The following ASTN2 variants were observed in gnomAD, a reference collection of about 807,000 sequenced individuals.
The protein encoded by ASTN2 is astrotactin-2.
A neutral mutation model predicts 139.8 loss-of-function variants in ASTN2; 54 were observed. That is an observed-to-expected ratio of 0.39 (90% CI 0.31 to 0.48). ASTN2 has a LOEUF of 0.48. ASTN2 is among the 20% of genes least tolerant of loss of function. ASTN2 has a pLI of 0.95. For missense variants in ASTN2, 1,565 were observed against 1,725.1 expected (o/e 0.91, Z 1.64); for synonymous variants, 756 against 719.5 (o/e 1.05, Z -0.81).
chr9:117,315,390 C>T (rs1828112885), intron 1 of ASTN2, among the ~76,000 whole-genome samples: 1 of 152,198 alleles, frequency 6.6e-6, no homozygotes, highest in African/African-American at 2.4e-5. Context: ...TGAAGGTGCA[C>T]TGCTTTGCCA....
intron 17 of ASTN2, among the ~76,000 whole-genome samples, chr9:116,639,885 G>A (rs803924): frequency 0.58 from 88,089 of 151,956 alleles, 26,022 homozygotes; most frequent in East Asian, 0.86. Flanking sequence ...AAGAGTGTCA[G>A]TGCAAGCTGG....
chr9:116,622,906 C>T (rs112021514), intron 17 of ASTN2, among the ~76,000 whole-genome samples: 150 of 152,344 alleles, frequency 9.8e-4, no homozygotes, highest in African/African-American at 3.4e-3. Flanking sequence ...CTCATGAGGA[C>T]AGAAACCAGA....
chr9:117,118,018 A>G (rs1357049444), intron 4 of ASTN2, among the ~76,000 whole-genome samples: 5 of 152,054 alleles, frequency 3.3e-5, no homozygotes, highest in African/African-American at 1.2e-4. Flanking sequence ...CACAAACCCA[A>G]CGAGGAAAAA....
intron 10 of ASTN2, among the ~76,000 whole-genome samples, chr9:116,867,644 A>T (rs988672558): frequency 3.9e-5 from 6 of 152,032 alleles, no homozygotes; most frequent in African/African-American, 1.4e-4. Flanking sequence ...GAAGTGAAAA[A>T]CAAGCAAAAA....
At chr9:116,591,268 C>G (rs553653448) in intron 19 of ASTN2, among the ~76,000 whole-genome samples, 2 of 152,284 alleles carry the variant, frequency 1.3e-5, no homozygotes, top group East Asian at 3.9e-4. Context: ...GCCATGGAAG[C>G]TGCTTGTGGT....
chr9:116,638,048 C>T (rs1253570124), intron 17 of ASTN2, among the ~76,000 whole-genome samples: 1 of 152,142 alleles, frequency 6.6e-6, no homozygotes, highest in Non-Finnish European at 1.5e-5. Flanking sequence ...GAAGCTCTTG[C>T]AGGATATAGG....
At chr9:117,156,124 C>T (rs954297489) in intron 3 of ASTN2, among the ~76,000 whole-genome samples, 21 of 151,982 alleles carry the variant, frequency 1.4e-4, no homozygotes, top group Admixed American at 6.6e-5. Context: ...AGTACTAGCA[C>T]CACTTCTAAT....
intron 10 of ASTN2, among the ~76,000 whole-genome samples, chr9:116,906,591 G>A (rs1332140462): frequency 2.0e-5 from 3 of 152,194 alleles, no homozygotes; most frequent in Non-Finnish European, 4.4e-5. Context: ...ATCTTTTAAA[G>A]TAAAAGAAGA....
intron 20 of ASTN2, among the ~76,000 whole-genome samples, chr9:116,450,849 A>AT (rs960011629): frequency 6.6e-6 from 1 of 152,156 alleles, no homozygotes; most frequent in Non-Finnish European, 1.5e-5. Context: ...GCCAACATAA[A>AT]TATTTAATTC....
At chr9:116,689,171 A>G (rs190500188) in intron 16 of ASTN2, among the ~76,000 whole-genome samples, 1 of 152,268 alleles carries the variant, frequency 6.6e-6, no homozygotes, top group African/African-American at 2.4e-5. Context: ...AGGCACTCTG[A>G]CCTAGAGTCA....
intron 19 of ASTN2, chr9:116,582,956 G>C (rs1427713358): frequency 6.6e-6 from 1 of 152,196 alleles, no homozygotes. Flanking sequence ...CTATGTGCCA[G>C]ACACTGTACC....
At chr9:116,655,473 G>C (rs982325488) in intron 16 of ASTN2, among the ~76,000 whole-genome samples, 1 of 152,098 alleles carries the variant, frequency 6.6e-6, no homozygotes, top group Non-Finnish European at 1.5e-5. Context: ...CTCTTATTCT[G>C]TTCCTCTTAG....
At chr9:116,844,150 C>T (rs559236857) in intron 11 of ASTN2, among the ~76,000 whole-genome samples, 18 of 152,210 alleles carry the variant, frequency 1.2e-4, no homozygotes, top group South Asian at 1.0e-3. Context: ...AATAAATAAC[C>T]GCCTCCTGGG....
At chr9:117,060,371 A>G (rs1465385583) in intron 5 of ASTN2, among the ~76,000 whole-genome samples, 20 of 71,784 alleles carry the variant, frequency 2.8e-4, no homozygotes, top group African/African-American at 1.5e-3. Flanking sequence ...AGAAAGAAAG[A>G]AAGAAAGAAA....
rs191837316 is a variant in ASTN2, at chr9:116,888,296, A to T, written c.1890-24563T>A. 1.9e-3 allele frequency among the ~76,000 whole-genome samples: 289 copies of T among 152,194 alleles called. 2 individuals are homozygous for T. The highest frequency in any genetic ancestry group is 1.8e-3 in the Non-Finnish European group (121 of 68,012). On this transcript the variant is annotated intron_variant, in intron 10 of 22. Coordinates refer to ENST00000313400, the MANE Select transcript of ASTN2 (RefSeq NM_001365068.1). ...AGAAAAAAAACCAAAAATCAAATGTATTCATTCATGACTACTTTGTGTAGG... is the reference window on the plus strand; with the variant it reads ...AGAAAAAAAACCAAAAATCAAATGTTTTCATTCATGACTACTTTGTGTAGG...
At chr9:116,661,303 T>C (rs1235135810) in intron 16 of ASTN2, among the ~76,000 whole-genome samples, 2 of 152,164 alleles carry the variant, frequency 1.3e-5, no homozygotes, top group Non-Finnish European at 2.9e-5. Context: ...GTTCTGATCC[T>C]TTCTTGGCAA....
At chr9:116,847,434 A>G (rs1832473555) in intron 11 of ASTN2, among the ~76,000 whole-genome samples, 2 of 152,168 alleles carry the variant, frequency 1.3e-5, no homozygotes, top group Admixed American at 6.5e-5. Context: ...ATAAGCACCA[A>G]GGGCTGAGGC....
At chr9:117,002,458 T>C (rs745549632) in intron 7 of ASTN2, among the ~76,000 whole-genome samples, 1 of 152,016 alleles carries the variant, frequency 6.6e-6, no homozygotes, top group Non-Finnish European at 1.5e-5. Context: ...GAGTAAGCAA[T>C]GGAAAGAGGG....
chr9:116,597,449 T>C (rs1030454560), intron 19 of ASTN2, among the ~76,000 whole-genome samples: 2 of 151,632 alleles, frequency 1.3e-5, no homozygotes, highest in African/African-American at 4.8e-5. Context: ...CGGGCCACCA[T>C]GCCCGGCTAA....
Sources: allele counts gnomAD v4.1 joint callset (sites outside exome capture counted in the v4.1 genomes callset), GRCh38; gene constraint gnomAD v4.1.1; transcripts MANE v1.5; gene names NCBI Gene and HGNC (gene_info 2026-07-23, HGNC 2026-07-21).